The following CMPK1 variants were observed in gnomAD, a reference collection of about 807,000 sequenced individuals.
The protein encoded by CMPK1 is cytidine/uridine monophosphate kinase 1.
Under a neutral mutation model 25.7 loss-of-function variants are expected in CMPK1, and 10 were observed. The ratio of observed to expected loss-of-function variants is 0.39; its 90% CI spans 0.24 to 0.66. CMPK1 has a LOEUF of 0.66. CMPK1 is among the 30% of genes least tolerant of loss of function. The pLI is 0.48. For synonymous variants in CMPK1, 106 were observed against 101.5 expected (o/e 1.04, Z -0.27); for missense variants, 199 against 280.5 (o/e 0.71, Z 2.08).
intron 1 of CMPK1, among the ~76,000 whole-genome samples, chr1:47,346,845 A>C (rs1422319649): frequency 2.6e-3 from 226 of 86,728 alleles, no homozygotes; most frequent in Middle Eastern, 0.01. Context: ...TCTCCTCCTC[A>C]CTCCTCTCCC....
chr1:47,369,901 T>TTC (rs35595628), intron 2 of CMPK1, among the ~76,000 whole-genome samples: 2,074 of 130,598 alleles, frequency 0.016, 83 homozygotes, highest in Middle Eastern at 0.02. Context: ...TCTTTCTTCT[T>TTC]TCTCTCTCTT....
intron 1 of CMPK1, among the ~76,000 whole-genome samples, chr1:47,343,256 G>C (rs1289726043): frequency 6.6e-6 from 1 of 151,646 alleles, no homozygotes; most frequent in Non-Finnish European, 1.5e-5. Context: ...CAAAGTGCTG[G>C]GATTACAGGC....
rs1188094909 is a variant in CMPK1 at position 47,336,295 on chromosome 1, A to G, written c.171+2179A>G. Among the ~76,000 whole-genome samples, 6 of 152,190 alleles carry G rather than the reference A, an allele frequency of 3.9e-5. No individual in the cohort carries two copies. The East Asian group carries it at 9.6e-4, about 24-fold the overall frequency. On this transcript the variant is annotated intron_variant, in intron 1 of 5. Transcript: ENST00000371873. ...GGTTCAAACCCTGACTCTGCCATTT[A>G]CTGTTTCTCTAGGCCCAGAGATGTT...
At chr1:47,352,708 T>A (rs1570362740) in intron 1 of CMPK1, among the ~76,000 whole-genome samples, 1 of 152,182 alleles carries the variant, frequency 6.6e-6, no homozygotes, top group South Asian at 2.1e-4. Flanking sequence ...AAATTTTCCA[T>A]AAGATTACCA....
chr1:47,367,003 G>A (rs1646643544), intron 1 of CMPK1, among the ~76,000 whole-genome samples: 1 of 152,136 alleles, frequency 6.6e-6, no homozygotes, highest in Non-Finnish European at 1.5e-5. Flanking sequence ...TGGGATTATA[G>A]GTGTGAGCCA....
chr1:47,376,232 GATTC>G (rs1229032811), intron 5 of CMPK1, among the ~76,000 whole-genome samples: 1 of 151,708 alleles, frequency 6.6e-6, no homozygotes, highest in Non-Finnish European at 1.5e-5. Flanking sequence ...TCAAAAAAAT[GATTC>G]ATTTTGAAAA....
intron 1 of CMPK1, among the ~76,000 whole-genome samples, chr1:47,340,032 C>T: frequency 1.4e-5 from 1 of 69,344 alleles, no homozygotes; most frequent in African/African-American, 1.1e-4. Context: ...CCTCCCCTTC[C>T]CTTCCCTCCC....
intron 3 of CMPK1, among the ~76,000 whole-genome samples, chr1:47,374,333 A>T (rs1646694529): frequency 6.6e-6 from 1 of 152,228 alleles, no homozygotes; most frequent in Non-Finnish European, 1.5e-5. Context: ...TTGGAATTGC[A>T]GGCCTGAGCC....
At chr1:47,370,304 A>G (rs1365429170) in intron 2 of CMPK1, among the ~76,000 whole-genome samples, 1 of 151,420 alleles carries the variant, frequency 6.6e-6, no homozygotes, top group Non-Finnish European at 1.5e-5. Flanking sequence ...ACCATCTTCA[A>G]TGTGAAATGC....
At chr1:47,344,708 A>G (rs1557802951) in intron 1 of CMPK1, among the ~76,000 whole-genome samples, 1 of 152,006 alleles carries the variant, frequency 6.6e-6, no homozygotes, top group Non-Finnish European at 1.5e-5. Context: ...CATGTTGGCC[A>G]GGCTGGTCTC....
At chr1:47,361,215 C>T (rs969371796) in intron 1 of CMPK1, among the ~76,000 whole-genome samples, 1 of 152,018 alleles carries the variant, frequency 6.6e-6, no homozygotes, top group African/African-American at 2.4e-5. Flanking sequence ...ATGGTGAAAC[C>T]CTGTCTTTAC....
chr1:47,368,388 A>G, intron 1 of CMPK1, 81 bp from the exon 2 acceptor site: 1 of 1,200,986 alleles, frequency 8.3e-7, no homozygotes, highest in Non-Finnish European at 1.1e-6. Flanking sequence ...GAATATAGAA[A>G]TTAACACAAA....
intron 1 of CMPK1, among the ~76,000 whole-genome samples, chr1:47,350,454 G>T (rs984044906): frequency 7.9e-5 from 12 of 152,180 alleles, no homozygotes; most frequent in African/African-American, 2.9e-4. Flanking sequence ...GTTTCACCAT[G>T]TTACCTAGGC....
intron 2 of CMPK1, among the ~76,000 whole-genome samples, chr1:47,369,892 CT>C (rs1646665274): frequency 7.8e-6 from 1 of 128,290 alleles, no homozygotes; most frequent in Non-Finnish European, 1.6e-5. Flanking sequence ...AAACCTCTTT[CT>C]TTCTTCTTTC....
At chr1:47,350,158 C>A (rs927081978) in intron 1 of CMPK1, among the ~76,000 whole-genome samples, 4 of 151,952 alleles carry the variant, frequency 2.6e-5, no homozygotes, top group African/African-American at 9.7e-5. Context: ...GGGATGGTCT[C>A]GAACTACTGG....
intron 1 of CMPK1, among the ~76,000 whole-genome samples, chr1:47,359,327 T>TA (rs1646585169): frequency 1.4e-5 from 2 of 146,166 alleles, no homozygotes; most frequent in Admixed American, 6.8e-5. Flanking sequence ...TAAAAAAAAA[T>TA]AAAAAATAAG....
intron 1 of CMPK1, among the ~76,000 whole-genome samples, chr1:47,349,674 AAC>A (rs1344515795): frequency 5.3e-5 from 8 of 152,244 alleles, no homozygotes; most frequent in African/African-American, 1.9e-4. Context: ...TTTGAAATGT[AAC>A]AGTTGCTTGT....
chr1:47,358,587 C>CTGTCACACTGG, intron 1 of CMPK1: 1 of 996,432 alleles, frequency 1.0e-6, no homozygotes, highest in Non-Finnish European at 1.2e-6. Context: ...AAATTACCCA[C>CTGTCACACTGG]TGTCACACTG....
At chr1:47,342,808 C>T (rs1646451274) in intron 1 of CMPK1, among the ~76,000 whole-genome samples, 2 of 151,618 alleles carry the variant, frequency 1.3e-5, no homozygotes, top group Non-Finnish European at 2.9e-5. Context: ...TGCCACCATG[C>T]CCAGCTAATT....
Sources: gnomAD v4.1 joint callset for allele counts (sites outside exome capture counted in the v4.1 genomes callset) on GRCh38, gnomAD v4.1.1 for gene constraint, MANE v1.5 for transcripts, NCBI Gene and HGNC (gene_info 2026-07-23, HGNC 2026-07-21) for gene names.